WDR27: variants seen among roughly 807,000 people sequenced by gnomAD.
WDR27 encodes WD repeat domain 27.
WDR27 carries 100 observed loss-of-function variants against 114.4 expected under a neutral mutation model. That is an observed-to-expected ratio of 0.87 (90% confidence interval 0.74 to 1.03). WDR27 has a LOEUF of 1.03. Among genes scored for constraint, WDR27 ranks in the 50% least tolerant of loss-of-function variants. The pLI is 0.00. For synonymous variants in WDR27, 449 were observed against 423.1 expected (o/e 1.06, Z -0.75); for missense variants, 1,129 against 1,092.9 (o/e 1.03, Z -0.47).
At chr6:169,620,306 A>G (rs1174477021) in intron 21 of WDR27, among the ~76,000 whole-genome samples, 2 of 152,182 alleles carry the variant, frequency 1.3e-5, no homozygotes, top group Non-Finnish European at 2.9e-5. Flanking sequence ...TTCTATTCCT[A>G]AGTAAGATAG....
chr6:169,582,820 C>T lies in WDR27; in HGVS notation c.2523+16G>A. 1 of 1,607,474 alleles carries T rather than the reference C, an allele frequency of 6.2e-7. No individual in the cohort carries two copies. Among genetic ancestry groups the T allele is most frequent in the Non-Finnish European group, 8.5e-7 (1 of 1,175,218 alleles). The stretch of plus-strand genomic sequence containing the variant: ...GTATGCAGCAGAGGCGCCCCACCCA[C>T]TCAGCAAGACTGTACCTGGGGCGCT... On this transcript the variant is annotated intron_variant, in intron 24 of 25. Transcript: ENST00000448612.
At chr6:169,622,755 G>T (rs1383592513) in intron 21 of WDR27, among the ~76,000 whole-genome samples, 1 of 152,160 alleles carries the variant, frequency 6.6e-6, no homozygotes, top group Non-Finnish European at 1.5e-5. Context: ...GAAGCGTCCC[G>T]GTGAAACAGC....
intron 25 of WDR27, among the ~76,000 whole-genome samples, chr6:169,499,198 A>T (rs1790790236): frequency 6.6e-6 from 1 of 152,210 alleles, no homozygotes; most frequent in African/African-American, 2.4e-5. Context: ...CTTCAAATCC[A>T]GCCAAGCCTC....
At chr6:169,691,102 C>T (rs1395546101) in intron 1 of WDR27, among the ~76,000 whole-genome samples, 3 of 152,200 alleles carry the variant, frequency 2.0e-5, no homozygotes, top group East Asian at 3.9e-4. Flanking sequence ...GTGGTCCCAG[C>T]TACTCAAGAG....
intron 25 of WDR27, among the ~76,000 whole-genome samples, chr6:169,535,172 G>A (rs1041072084): frequency 6.6e-6 from 1 of 152,140 alleles, no homozygotes; most frequent in Non-Finnish European, 1.5e-5. Flanking sequence ...ATGGAATCAG[G>A]TGGTCTTTAG....
At chr6:169,489,983 G>A (rs1429718942) in intron 25 of WDR27, among the ~76,000 whole-genome samples, 1 of 152,180 alleles carries the variant, frequency 6.6e-6, no homozygotes, top group Non-Finnish European at 1.5e-5. Context: ...GGTGTGCAGG[G>A]CATTCACACT....
At chr6:169,613,049 G>A (rs1810959619) in intron 22 of WDR27, among the ~76,000 whole-genome samples, 2 of 152,200 alleles carry the variant, frequency 1.3e-5, no homozygotes, top group Non-Finnish European at 2.9e-5. Flanking sequence ...TTTATAAAAT[G>A]TATTTTCAAA....
At chr6:169,476,099 T>C (rs1787112110) in intron 25 of WDR27, among the ~76,000 whole-genome samples, 1 of 152,220 alleles carries the variant, frequency 6.6e-6, no homozygotes, top group Non-Finnish European at 1.5e-5. Flanking sequence ...GGCTTGCATG[T>C]CTGACATAAT....
intron 25 of WDR27, among the ~76,000 whole-genome samples, chr6:169,554,340 C>T (rs372728267): frequency 1.3e-5 from 2 of 152,138 alleles, no homozygotes; most frequent in African/African-American, 2.4e-5. Flanking sequence ...TGCAGGAAGA[C>T]GGGACCCATC....
intron 17 of WDR27, 148 bp from the exon 18 acceptor site, chr6:169,638,808 A>C (rs921559245): frequency 3.2e-6 from 3 of 944,886 alleles, no homozygotes; most frequent in African/African-American, 1.6e-5. Context: ...TCCTCGCCAC[A>C]GTGAGGCTGC....
rs549751782 is a variant in WDR27, at chr6:169,596,351, T to C, written c.2424+5868A>G. Among the ~76,000 whole-genome samples, 7 of 152,154 alleles carry C rather than the reference T, an allele frequency of 4.6e-5. No individual in the cohort carries two copies. In the South Asian group the frequency reaches 8.3e-4, roughly 18 times the overall value. ...CTCTCATTTGTATCCTTTTTCCCTATTGTGCTCTCTGTATTTGCTTTCTAT... is the reference window on the plus strand; with the variant it reads ...CTCTCATTTGTATCCTTTTTCCCTACTGTGCTCTCTGTATTTGCTTTCTAT... On this transcript the variant is annotated intron_variant, in intron 23 of 25. Coordinates refer to ENST00000448612, the MANE Select transcript of WDR27 (RefSeq NM_182552.5).
chr6:169,675,116 T>C lies in WDR27; in HGVS notation c.190-2720A>G, dbSNP rs1008902887. Among the ~76,000 whole-genome samples the C allele has an allele frequency of 2.0e-5, 3 of 152,294 alleles. No homozygotes were observed. In the East Asian group the frequency reaches 5.8e-4, roughly 29 times the overall value. On this transcript the variant is annotated intron_variant, in intron 2 of 25. Transcript: ENST00000448612. The stretch of plus-strand genomic sequence containing the variant: ...GTCACAGGGGATATGATGGCCGAGC[T>C]TGGGCTCAGAGGCCTGACACCCTCC...
At chr6:169,630,317 G>C (rs546580244) in intron 21 of WDR27, among the ~76,000 whole-genome samples, 2 of 152,218 alleles carry the variant, frequency 1.3e-5, no homozygotes, top group South Asian at 2.1e-4. Context: ...CTTATACAAA[G>C]AATCGAATCC....
intron 23 of WDR27, among the ~76,000 whole-genome samples, chr6:169,593,821 C>A (rs1187600709): frequency 6.6e-6 from 1 of 152,016 alleles, no homozygotes; most frequent in African/African-American, 2.4e-5. Context: ...TGAACTCCAA[C>A]CTGGGCAACA....
At chr6:169,573,714 A>C (rs1274882264) in intron 24 of WDR27, among the ~76,000 whole-genome samples, 1 of 152,226 alleles carries the variant, frequency 6.6e-6, no homozygotes, top group Non-Finnish European at 1.5e-5. Flanking sequence ...AATAAATTAT[A>C]TCTCTGTGTA....
At chr6:169,656,330 T>A (rs1824180134) in intron 13 of WDR27, among the ~76,000 whole-genome samples, 1 of 152,168 alleles carries the variant, frequency 6.6e-6, no homozygotes, top group African/African-American at 2.4e-5. Flanking sequence ...ATCCCGTCTG[T>A]GGATTCATCC....
chr6:169,552,116 C>T (rs1798222523), intron 25 of WDR27, among the ~76,000 whole-genome samples: 1 of 152,226 alleles, frequency 6.6e-6, no homozygotes, highest in South Asian at 2.1e-4. Context: ...CTCCAGTGTC[C>T]GTCCTGCTGA....
At chr6:169,669,065 AG>A (rs1216723090) in intron 4 of WDR27, among the ~76,000 whole-genome samples, 1 of 152,206 alleles carries the variant, frequency 6.6e-6, no homozygotes, top group Non-Finnish European at 1.5e-5. Flanking sequence ...AAATAAAGCT[AG>A]TCCATTGTCT....
intron 19 of WDR27, among the ~76,000 whole-genome samples, chr6:169,636,106 T>C (rs1044006259): frequency 1.3e-5 from 2 of 152,322 alleles, no homozygotes; most frequent in Admixed American, 6.5e-5. Flanking sequence ...CACTTCAATA[T>C]GCTGCAGAGC....
Sources: allele counts gnomAD v4.1 joint callset (sites outside exome capture counted in the v4.1 genomes callset), GRCh38; gene constraint gnomAD v4.1.1; transcripts MANE v1.5; gene names NCBI Gene and HGNC (gene_info 2026-07-23, HGNC 2026-07-21).